Variants in KLHL12 observed in about 807,000 individuals in gnomAD.
The protein encoded by KLHL12 is kelch like family member 12.
In KLHL12, 17 loss-of-function variants were observed where a neutral mutation model predicts 60.8. The observed-to-expected ratio is 0.28, with a 90% confidence interval of 0.19 to 0.42. The LOEUF (loss-of-function observed/expected upper bound fraction) is 0.42. Ranked by LOEUF, KLHL12 falls within the 10% of genes least tolerant of loss-of-function variation. The pLI, the probability that KLHL12 is intolerant of heterozygous loss-of-function variation, is 1.00. For missense variants in KLHL12, 468 were observed against 722.3 expected (o/e 0.65, Z 4.04); for synonymous variants, 220 against 250.9 (o/e 0.88, Z 1.16).
rs141385656 is a variant in KLHL12, at chr1:202,911,923, T to C, written c.568-720A>G. 3.3e-4 allele frequency: 270 copies of C among 820,032 alleles called. No individual in the cohort carries two copies. In the African/African-American group the frequency reaches 4.1e-3, roughly 12 times the overall value. The allele number at this position is 820,032 out of a possible 1,614,324, so 50.8% of individuals were successfully genotyped here. ...AAGCCTGAGGAGCTATTTTGAGCAA[T>C]GGGGAATGCTCACGGACTGTGTGGT... On this transcript the variant is annotated intron_variant, in intron 4 of 11. Transcript: ENST00000367261.
At chr1:202,925,987 C>A (rs376063159) in intron 1 of KLHL12, among the ~76,000 whole-genome samples, 2 of 151,794 alleles carry the variant, frequency 1.3e-5, no homozygotes, top group African/African-American at 4.8e-5. Context: ...CGCCTATAAT[C>A]CTAGCTACCA....
Position 202,927,127 on chromosome 1 carries a change from C to A in KLHL12, c.-84G>T. The A allele has an allele frequency of 1.0e-6, 1 of 985,422 alleles. No homozygotes were observed. Among genetic ancestry groups the A allele is most frequent in the South Asian group, 4.7e-5 (1 of 21,284 alleles). 61.0% of individuals were successfully genotyped at this position (985,422 alleles called of 1,614,324 possible). ...CCCACACAGCCGCACCGGGCCCGTC[C>A]CCAGCCTGTGGGGATGGAGTGCGGC... On this transcript the variant is annotated 5_prime_UTR_variant, in exon 1 of 12. Coordinates refer to ENST00000367261, the MANE Select transcript of KLHL12 (RefSeq NM_021633.4).
chr1:202,927,241 T>G, upstream of KLHL12: 2 of 985,006 alleles, frequency 2.0e-6, no homozygotes, highest in African/African-American at 1.7e-5. Flanking sequence ...GTCTGGCCCC[T>G]GCGGCCGCGC....
At chr1:202,908,479 A>C (rs1295176964) in intron 6 of KLHL12, among the ~76,000 whole-genome samples, 1 of 152,246 alleles carries the variant, frequency 6.6e-6, no homozygotes, top group African/African-American at 2.4e-5. Context: ...AGGCAACTGA[A>C]GCACACAGAG....
chr1:202,908,328 C>G (rs1228505792), intron 6 of KLHL12, among the ~76,000 whole-genome samples: 1 of 152,174 alleles, frequency 6.6e-6, no homozygotes, highest in Admixed American at 6.5e-5. Context: ...GGATTTGAAC[C>G]TAGGTCTATT....
At chr1:202,907,265 A>G (rs557843302) in intron 6 of KLHL12, among the ~76,000 whole-genome samples, 1 of 152,184 alleles carries the variant, frequency 6.6e-6, no homozygotes, top group Non-Finnish European at 1.5e-5. Flanking sequence ...CTGTATTTCT[A>G]CAAGTTCTAC....
At chr1:202,897,001 C>A (rs760281955) in intron 6 of KLHL12, 41 bp from the exon 7 acceptor site, 9 of 1,455,772 alleles carry the variant, frequency 6.2e-6, no homozygotes, top group Non-Finnish European at 7.7e-6. Flanking sequence ...AGTTCAGCAT[C>A]CCTGGATGGG....
intron 6 of KLHL12, among the ~76,000 whole-genome samples, chr1:202,908,146 T>A (rs990426730): frequency 6.6e-6 from 1 of 152,170 alleles, no homozygotes; most frequent in African/African-American, 2.4e-5. Context: ...AAGTGGAAAG[T>A]ATGGTGATAT....
At chr1:202,898,634 T>A (rs1659912666) in intron 6 of KLHL12, among the ~76,000 whole-genome samples, 1 of 152,132 alleles carries the variant, frequency 6.6e-6, no homozygotes, top group Non-Finnish European at 1.5e-5. Context: ...ACATGTTAAA[T>A]GACACTACAA....
intron 2 of KLHL12, among the ~76,000 whole-genome samples, chr1:202,923,978 TGC>T (rs1424008149): frequency 6.6e-6 from 1 of 152,210 alleles, no homozygotes; most frequent in Non-Finnish European, 1.5e-5. Flanking sequence ...TAAACAGTGA[TGC>T]ACCCACAACT....
chr1:202,926,323 A>C (rs770805929), intron 1 of KLHL12, among the ~76,000 whole-genome samples: 2 of 152,196 alleles, frequency 1.3e-5, no homozygotes, highest in Non-Finnish European at 2.9e-5. Flanking sequence ...AAGGAAATCA[A>C]ACTGTGGTCT....
At chr1:202,896,752 T>C in intron 7 of KLHL12, 102 bp downstream of exon 7, 2 of 873,916 alleles carry the variant, frequency 2.3e-6, no homozygotes, top group African/African-American at 1.7e-5. Flanking sequence ...AACATCCTGT[T>C]ATTAGGCTTT....
Position 202,909,095 on chromosome 1 carries a change from C to G in KLHL12, c.747G>C (p.Arg249Ser). The G allele has an allele frequency of 1.2e-6, 2 of 1,613,820 alleles. No homozygotes were observed. Among genetic ancestry groups the G allele is most frequent in the South Asian group, 2.2e-5 (2 of 91,060 alleles). The change falls in exon 6 of 12, where the codon AGG becomes AGC. Residue 249 changes from arginine to serine, a missense_variant. Physicochemically the swap from Arg to Ser is moderately radical, Grantham distance 110 (BLOSUM62 -1). Coordinates refer to ENST00000367261, the MANE Select transcript of KLHL12 (RefSeq NM_021633.4). This position sits in a 1 kb window ranked among gnomAD's most constrained non-coding sequence, Gnocchi z 4.1. The stretch of plus-strand genomic sequence containing the variant: ...ACTTCTTTGCTTCATCAACCAGATC[C>G]CTGCATTGTAAACTACAGCGGATGA... ...EPFIRCSLQC[R>S]DLVDEAKKFH...
chr1:202,925,200 T>C lies in KLHL12; in HGVS notation c.-38A>G. On this transcript the variant is annotated 5_prime_UTR_variant, in exon 2 of 12. Coordinates refer to ENST00000367261, the MANE Select transcript of KLHL12 (RefSeq NM_021633.4). ...AGAAAGAACAAAATGGGTCCTTGGA[T>C]TCTGCAACTACAAGAGGGAAAAAAA... 1 of 1,612,222 alleles carries C rather than the reference T, an allele frequency of 6.2e-7. No individual in the cohort carries two copies. Among genetic ancestry groups the C allele is most frequent in the Non-Finnish European group, 8.5e-7 (1 of 1,179,380 alleles).
At chr1:202,911,418 A>AT (rs200004276) in intron 4 of KLHL12, among the ~76,000 whole-genome samples, 297 of 96,416 alleles carry the variant, frequency 3.1e-3, no homozygotes, top group East Asian at 7.5e-3. Context: ...GTTAAAAAAA[A>AT]AATATATATA....
Position 202,909,238 on chromosome 1 carries a change from C to T in KLHL12, c.718-114G>A. ...GACTACAGAAAACCAGTTTGCAAAG[C>T]CCTGTGATTCCAGGAGTATTGCTGG... On this transcript the variant is annotated intron_variant, in intron 5 of 11. Coordinates refer to ENST00000367261, the MANE Select transcript of KLHL12 (RefSeq NM_021633.4). This position sits in a 1 kb window ranked among gnomAD's most constrained non-coding sequence, Gnocchi z 4.1. 1.6e-6 allele frequency: 1 copy of T among 630,380 alleles called. No individual in the cohort carries two copies. The highest frequency in any genetic ancestry group is 2.8e-6 in the Non-Finnish European group (1 of 355,116). 39.0% of individuals were successfully genotyped at this position (630,380 alleles called of 1,614,324 possible).
intron 4 of KLHL12, among the ~76,000 whole-genome samples, chr1:202,913,976 A>ATG (rs1660443544): frequency 6.6e-6 from 1 of 152,212 alleles, no homozygotes; most frequent in South Asian, 2.1e-4. Flanking sequence ...TCTTCATAGA[A>ATG]TGTACTATTG....
intron 6 of KLHL12, among the ~76,000 whole-genome samples, chr1:202,906,994 G>A (rs1164415543): frequency 6.6e-6 from 1 of 152,092 alleles, no homozygotes; most frequent in Non-Finnish European, 1.5e-5. Flanking sequence ...AGAAAAAAAA[G>A]ACTTCCATCC....
chr1:202,908,929 A>G, intron 6 of KLHL12, 81 bp downstream of exon 6: 2 of 869,936 alleles, frequency 2.3e-6, no homozygotes, highest in Non-Finnish European at 3.9e-6. Flanking sequence ...TACTTCTTAT[A>G]GAGTATTATT....
Sources: gnomAD v4.1 joint callset for allele counts (sites outside exome capture counted in the v4.1 genomes callset) on GRCh38, gnomAD v4.1.1 for gene constraint, Gnocchi (gnomAD v3.1) non-coding constraint, MANE v1.5 for transcripts, NCBI Gene and HGNC (gene_info 2026-07-23, HGNC 2026-07-21) for gene names.